Variants in SLC28A1 observed in about 807,000 individuals in gnomAD.
SLC28A1 encodes the protein solute carrier family 28 member 1, also known as sodium/nucleoside cotransporter 1.
In SLC28A1, 64 loss-of-function variants were observed where a neutral mutation model predicts 74.8. That is an observed-to-expected ratio of 0.86 (90% CI 0.70 to 1.05). The LOEUF (loss-of-function observed/expected upper bound fraction) is 1.05, where lower values mean the gene tolerates loss of function less well. Among genes scored for constraint, SLC28A1 ranks in the 50% least tolerant of loss-of-function variants. The pLI, the probability that SLC28A1 is intolerant of heterozygous loss-of-function variation, is 0.00. For missense variants in SLC28A1, 828 were observed against 822.8 expected, an observed-to-expected ratio of 1.01 and a Z score of -0.08; for synonymous variants, 359 against 335.0, an observed-to-expected ratio of 1.07 and a Z score of -0.78.
chr15:84,968,036 C>T, the SLC28A1 span, among the ~76,000 whole-genome samples: 5 of 152,150 alleles, frequency 3.3e-5, no homozygotes, highest in Non-Finnish European at 5.9e-5. Context: ...CTTGAGGAAT[C>T]ACTGGGGACC....
At chr15:84,893,706 C>T (rs1307110842) in intron 5 of SLC28A1, among the ~76,000 whole-genome samples, 1 of 152,178 alleles carries the variant, frequency 6.6e-6, no homozygotes. Context: ...TGGTCTCCCG[C>T]CTCTCTTCTC....
rs1169288874 is a variant in SLC28A1 at position 84,945,154 on chromosome 15, T to G, written c.1904T>G (p.Leu635Arg). 1 of 1,614,122 alleles carries G rather than the reference T, an allele frequency of 6.2e-7. No homozygotes were observed. Among genetic ancestry groups the G allele is most frequent in the Non-Finnish European group, 8.5e-7 (1 of 1,180,006 alleles). Residue 635 changes from leucine to arginine, a missense_variant, in exon 19 of 19, where the codon CTG (leucine) becomes CGG (arginine). Leu to Arg is a moderately radical substitution (Grantham distance 102, BLOSUM62 -2). Around this residue, in one of 3 missense-constraint regions of SLC28A1, gnomAD observed 53 missense variants for 44.5 expected, o/e 1.19. Transcript: ENST00000394573. Reference protein sequence around the residue: ...SVNPEFSPEALDNCCRFYNHT... With the variant: ...SVNPEFSPEARDNCCRFYNHT... ...AATCCAGAGTTCAGCCCAGAGGCCC[T>G]GGACAACTGCTGTCGGTTTTACAAC...
At chr15:84,935,835 G>A (rs977997495) in intron 15 of SLC28A1, among the ~76,000 whole-genome samples, 1 of 151,958 alleles carries the variant, frequency 6.6e-6, no homozygotes, top group South Asian at 2.1e-4. Context: ...GGAAAACGGG[G>A]TGAGATGACT....
At position 84,888,877 on chromosome 15, in the gene SLC28A1, G is replaced by A. The variant is rs1964932334; in HGVS notation, c.185+17G>A. 1 of 1,538,316 alleles carries A rather than the reference G, an allele frequency of 6.5e-7. No homozygotes were observed. Among genetic ancestry groups the A allele is most frequent in the Non-Finnish European group, 8.8e-7 (1 of 1,134,822 alleles). ...CTCCAGATGGTAGGTGATCTCTGGA[G>A]AGACAAGGGCGGGCCTGGGGTGGAG... is the stretch of plus-strand genomic sequence containing the variant. On this transcript the variant is annotated intron_variant, in intron 4 of 18. Coordinates refer to ENST00000394573, the MANE Select transcript of SLC28A1 (RefSeq NM_004213.5).
In SLC28A1 at chr15:84,915,387, T is replaced by G. The variant is rs75951742; in HGVS notation, c.796-3137T>G. On this transcript the variant is annotated intron_variant, in intron 9 of 18. Transcript: ENST00000394573. ...TCTCCATTCTCTTCAGGGTCCATTC[T>G]GTAATCCCAGTTCACTTTGAACTAG... 5.4e-3 allele frequency among the ~76,000 whole-genome samples: 830 copies of G among 152,342 alleles called. 8 individuals are homozygous for G. Among genetic ancestry groups the G allele is most frequent in the African/African-American group, 0.019 (775 of 41,578 alleles).
rs761337496 is a variant in SLC28A1 at position 84,894,973 on chromosome 15, T to A, written c.311T>A (p.Leu104Gln). 1 of 1,614,202 alleles carries A rather than the reference T, an allele frequency of 6.2e-7. No homozygotes were observed. The highest frequency in any genetic ancestry group is 8.5e-7 in the Non-Finnish European group (1 of 1,180,024). ...GCCTTCCTGCTGGTGGCCTGCCTCC[T>A]GGATTTCCAGAGGGCCCTGGCTCTG... Reference protein sequence around the residue: ...LSAFLLVACLLDFQRALALFV... With the variant: ...LSAFLLVACLQDFQRALALFV... Residue 104 changes from leucine (L) to glutamine (Q), a missense_variant, in exon 6 of 19, where the codon CTG becomes CAG. Physicochemically the swap from Leu to Gln is moderately radical, Grantham distance 113 (BLOSUM62 -2). This residue lies in a region of SLC28A1 where 767 missense variants were observed against 753.5 expected (regional missense o/e 1.02). Transcript: ENST00000394573.
downstream of SLC28A1, among the ~76,000 whole-genome samples, chr15:84,946,192 T>C (rs929051529): frequency 2.1e-5 from 3 of 140,706 alleles, no homozygotes; most frequent in Non-Finnish European, 1.5e-5. Context: ...TGGACTCAAG[T>C]AGTCTGCCCA....
At chr15:84,950,211 G>A (rs1342225810), downstream of SLC28A1, among the ~76,000 whole-genome samples, 2 of 152,114 alleles carry the variant, frequency 1.3e-5, no homozygotes, top group African/African-American at 4.8e-5. Flanking sequence ...AAAGGCAGAG[G>A]CAACAAAAGA....
At chr15:84,904,029 T>G in intron 6 of SLC28A1, 68 bp from the exon 7 acceptor site, 1 of 1,606,310 alleles carries the variant, frequency 6.2e-7, no homozygotes, top group East Asian at 2.2e-5. Context: ...GGTCCCCGGG[T>G]GCTATTGTGT....
intron 5 of SLC28A1, among the ~76,000 whole-genome samples, chr15:84,894,529 C>A (rs985911487): frequency 6.6e-6 from 1 of 152,164 alleles, no homozygotes; most frequent in Non-Finnish European, 1.5e-5. Flanking sequence ...CATTTCAGAA[C>A]GCAGTCCGAG....
chr15:84,890,642 G>T, intron 5 of SLC28A1, 108 bp downstream of exon 5: 1 of 927,050 alleles, frequency 1.1e-6, no homozygotes, highest in South Asian at 1.4e-5. Context: ...AATGGTTGTT[G>T]AGCACCAACT....
intron 12 of SLC28A1, among the ~76,000 whole-genome samples, chr15:84,924,605 A>T (rs1432498401): frequency 6.6e-6 from 1 of 152,230 alleles, no homozygotes. Context: ...AAGAATTTGT[A>T]GGTCAAATTC....
At chr15:84,929,320 G>C (rs1373418942) in intron 12 of SLC28A1, among the ~76,000 whole-genome samples, 2 of 152,046 alleles carry the variant, frequency 1.3e-5, no homozygotes, top group African/African-American at 4.8e-5. Context: ...CGAGGCGGGT[G>C]GATCACCTGA....
At chr15:84,957,963 C>T in the SLC28A1 span, among the ~76,000 whole-genome samples, 1 of 152,138 alleles carries the variant, frequency 6.6e-6, no homozygotes, top group Non-Finnish European at 1.5e-5. Flanking sequence ...GATGCCTCTC[C>T]GTTTGCTTAG....
chr15:84,904,841 C>G (rs998265412), intron 7 of SLC28A1, among the ~76,000 whole-genome samples: 1 of 151,956 alleles, frequency 6.6e-6, no homozygotes, highest in South Asian at 2.1e-4. Context: ...CAGGCAGCCA[C>G]GCACCCATTT....
intron 9 of SLC28A1, among the ~76,000 whole-genome samples, chr15:84,915,511 C>T (rs566498073): frequency 6.6e-6 from 1 of 152,308 alleles, no homozygotes; most frequent in East Asian, 1.9e-4. Flanking sequence ...AGTGCTGCTT[C>T]TTGCAAGGGC....
chr15:84,906,272 G>A (rs1409720896), intron 8 of SLC28A1, among the ~76,000 whole-genome samples: 2 of 151,548 alleles, frequency 1.3e-5, no homozygotes, highest in Admixed American at 6.6e-5. Flanking sequence ...CGCTTGCCTC[G>A]GCCTCCCAAA....
At chr15:84,895,759 G>GGA (rs371538846) in intron 6 of SLC28A1, 6 of 1,233,228 alleles carry the variant, frequency 4.9e-6, no homozygotes, top group African/African-American at 4.6e-5. Context: ...TTCGCTGGGG[G>GGA]AAAAAAACAG....
the SLC28A1 span, among the ~76,000 whole-genome samples, chr15:84,967,679 A>G: frequency 6.3e-3 from 957 of 152,278 alleles, 10 homozygotes; most frequent in African/African-American, 0.021. Context: ...ACTTGCTGCT[A>G]CAGGGACCTC....
Sources: allele counts gnomAD v4.1 joint callset (sites outside exome capture counted in the v4.1 genomes callset), GRCh38; gene constraint gnomAD v4.1.1; regional missense constraint gnomAD v4.1.1; transcripts MANE v1.5; gene names NCBI Gene and HGNC (gene_info 2026-07-23, HGNC 2026-07-21).